DSG2: variants seen among roughly 807,000 people sequenced by gnomAD.
DSG2 encodes desmoglein 2.
DSG2 carries 45 observed loss-of-function variants against 75.6 expected under a neutral mutation model. The ratio of observed to expected loss-of-function variants is 0.60; its 90% CI spans 0.47 to 0.76. The LOEUF is 0.76. Among genes scored for constraint, DSG2 ranks in the 30% least tolerant of loss-of-function variants. DSG2 has a pLI of 0.00. For missense variants in DSG2, 1,267 were observed against 1,357.4 expected, an observed-to-expected ratio of 0.93 and a Z score of 1.05; for synonymous variants, 429 against 483.9, an observed-to-expected ratio of 0.89 and a Z score of 1.49.
chr18:31,518,373 G>A, intron 2 of DSG2, 99 bp downstream of exon 2: 1 of 1,026,854 alleles, frequency 9.7e-7, no homozygotes, highest in Non-Finnish European at 1.5e-6. Context: ...GACACATGTT[G>A]TATTAGACCC....
At chr18:31,517,841 G>A (rs564201248) in intron 1 of DSG2, among the ~76,000 whole-genome samples, 1 of 152,030 alleles carries the variant, frequency 6.6e-6, no homozygotes, top group Non-Finnish European at 1.5e-5. Flanking sequence ...ACATCCATAG[G>A]GATGGTGGGA....
chr18:31,517,155 T>C (rs1226054749), intron 1 of DSG2, among the ~76,000 whole-genome samples: 1 of 152,188 alleles, frequency 6.6e-6, no homozygotes, highest in Non-Finnish European at 1.5e-5. Flanking sequence ...GTTAACTGAA[T>C]AAGCCAGGCA....
At position 31,519,817 on chromosome 18, in the gene DSG2, A is replaced by C; in HGVS notation, c.96A>C (p.Arg32Ser). 1 of 1,614,216 alleles carries C rather than the reference A, an allele frequency of 6.2e-7. No homozygotes were observed. The highest frequency in any genetic ancestry group is 1.7e-5 in the Admixed American group (1 of 60,026). Residue 32 changes from arginine to serine, a missense_variant, in exon 3 of 15, where the codon AGA becomes AGC. Arg to Ser is a moderately radical substitution (Grantham distance 110, BLOSUM62 -1). Coordinates refer to ENST00000261590, the MANE Select transcript of DSG2 (RefSeq NM_001943.5). The stretch of plus-strand genomic sequence containing the variant: ...TATTGTTATAGGTCTTAAGCACAAG[A>C]AATGAAAATAAGCTGCTTCCTAAAC... ...SGLHLQVLST[R>S]NENKLLPKHP...
At chr18:31,534,896 A>G (rs2073219930) in intron 9 of DSG2, among the ~76,000 whole-genome samples, 1 of 152,208 alleles carries the variant, frequency 6.6e-6, no homozygotes, top group Non-Finnish European at 1.5e-5. Flanking sequence ...GCTCTTCTCC[A>G]CCAGTGCTTA....
At position 31,522,229 on chromosome 18, in the gene DSG2, A is replaced by C. The variant is rs1060502863; in HGVS notation, c.670A>C (p.Ser224Arg). ...AGATACAGGAGAGATTTATACAACCAGTGTTACCTTGGACAGAGAGGTAAG... is the reference window on the plus strand; with the variant it reads ...AGATACAGGAGAGATTTATACAACCCGTGTTACCTTGGACAGAGAGGTAAG... ...NKDTGEIYTT[S>R]VTLDREEHSS... Residue 224 changes from serine to arginine, a missense_variant, in exon 6 of 15, where the codon AGT (serine) becomes CGT (arginine). Ser to Arg is a moderately radical substitution (Grantham distance 110). Transcript: ENST00000261590. The C allele has an allele frequency of 1.2e-6, 2 of 1,613,736 alleles. No homozygotes were observed. Among genetic ancestry groups the C allele is most frequent in the Non-Finnish European group, 1.7e-6 (2 of 1,179,712 alleles).
chr18:31,512,825 T>A (rs2073074441), intron 1 of DSG2, among the ~76,000 whole-genome samples: 1 of 152,206 alleles, frequency 6.6e-6, no homozygotes, highest in South Asian at 2.1e-4. Context: ...TTTTTATTGC[T>A]CTTATCAAAA....
chr18:31,532,907 TTTTGTTTGTTTG>T lies in DSG2; in HGVS notation c.1280+1675_1280+1686del, dbSNP rs78547095. Among the ~76,000 whole-genome samples, 299 of 150,158 alleles carry T rather than the reference TTTTGTTTGTTTG, an allele frequency of 2.0e-3. 1 individual carries two copies. The highest frequency in any genetic ancestry group is 6.9e-3 in the African/African-American group (276 of 40,070). The stretch of plus-strand genomic sequence containing the variant: ...CCAAATTATTGACTTTTGGCTGCTG[TTTTGTTTGTTTG>T]TTTGTTTGTTTGTTTGTTTAGGGGC... On this transcript the variant is annotated intron_variant, in intron 9 of 14. Transcript: ENST00000261590.
chr18:31,518,377 T>C, intron 2 of DSG2, 103 bp downstream of exon 2: 3 of 1,002,586 alleles, frequency 3.0e-6, no homozygotes, highest in South Asian at 2.6e-5. Context: ...CATGTTGTAT[T>C]AGACCCAGCC....
intron 9 of DSG2, among the ~76,000 whole-genome samples, chr18:31,534,124 A>G (rs2073214418): frequency 6.6e-6 from 1 of 151,710 alleles, no homozygotes; most frequent in Non-Finnish European, 1.5e-5. Context: ...AATAGCTGGA[A>G]TTACAGGTGC....
At position 31,537,093 on chromosome 18, in the gene DSG2, CTA is replaced by C. The variant is rs149103782; in HGVS notation, c.1651+666_1651+667del. On this transcript the variant is annotated intron_variant, in intron 11 of 14. Coordinates refer to ENST00000261590, the MANE Select transcript of DSG2 (RefSeq NM_001943.5). The stretch of plus-strand genomic sequence containing the variant: ...AATGCAGAAAAGTCTATCCAGAAAA[CTA>C]TTTTGTTTTAAACAACTAGGGTTCA... 8.0e-3 allele frequency among the ~76,000 whole-genome samples: 1,216 copies of C among 152,130 alleles called. 20 individuals carry two copies. Among genetic ancestry groups the C allele is most frequent in the African/African-American group, 0.028 (1,155 of 41,506 alleles).
At chr18:31,523,355 C>G (rs934169638) in intron 6 of DSG2, among the ~76,000 whole-genome samples, 1 of 151,992 alleles carries the variant, frequency 6.6e-6, no homozygotes, top group Admixed American at 6.5e-5. Context: ...GAGCTGAGAT[C>G]GCGCCACTGC....
At chr18:31,533,178 C>G (rs1264430526) in intron 9 of DSG2, among the ~76,000 whole-genome samples, 1 of 152,128 alleles carries the variant, frequency 6.6e-6, no homozygotes, top group Admixed American at 6.5e-5. Context: ...TTTTGAAACA[C>G]TGATAAGGGG....
At chr18:31,514,071 T>C (rs142055821) in intron 1 of DSG2, among the ~76,000 whole-genome samples, 46 of 152,304 alleles carry the variant, frequency 3.0e-4, no homozygotes, top group African/African-American at 9.9e-4. Flanking sequence ...TGTGGAATCG[T>C]AGATTGGATC....
intron 1 of DSG2, among the ~76,000 whole-genome samples, chr18:31,503,669 G>A (rs1343547536): frequency 3.9e-5 from 6 of 152,108 alleles, no homozygotes; most frequent in African/African-American, 1.2e-4. Context: ...GTATAATTGC[G>A]CCCAGTTAAA....
At position 31,528,624 on chromosome 18, in the gene DSG2, T is replaced by G. The variant is rs1447773128; in HGVS notation, c.1015-2363T>G. On this transcript the variant is annotated intron_variant, in intron 8 of 14. Coordinates refer to ENST00000261590, the MANE Select transcript of DSG2 (RefSeq NM_001943.5). ...GCTTGGGAGGCTGAAGCAGGAGAAT[T>G]GCCTGAACCCGGGAGGCAGAGGTTG... Among the ~76,000 whole-genome samples, 11 of 150,292 alleles carry G rather than the reference T, an allele frequency of 7.3e-5. No individual in the cohort carries two copies. In the Admixed American group the frequency reaches 7.4e-4, roughly 10 times the overall value.
chr18:31,533,976 AC>A (rs1246267543), intron 9 of DSG2, among the ~76,000 whole-genome samples: 1 of 148,684 alleles, frequency 6.7e-6, no homozygotes, highest in Non-Finnish European at 1.5e-5. Flanking sequence ...CTAATTACAT[AC>A]ATTTCTTTTT....
rs1331421711 is a variant in DSG2 at position 31,541,260 on chromosome 18, C to T, written c.1947C>T (p.Gly649=). 2.5e-6 allele frequency: 4 copies of T among 1,614,038 alleles called. No homozygotes were observed. The highest frequency in any genetic ancestry group is 2.5e-6 in the Non-Finnish European group (3 of 1,180,016). Residue 649 remains glycine (G), a synonymous_variant, in exon 13 of 15, where the codon GGC becomes GGT. Transcript: ENST00000261590. ...CCAAAGGCTTTACCCCCATACCTGG[C>T]ACCATAGAGATGCTGCATCCTTGGA... The part of the protein sequence containing the change: ...KGAKGFTPIP[G]TIEMLHPWNN...
chr18:31,500,537 G>A (rs942776014), intron 1 of DSG2, among the ~76,000 whole-genome samples: 3 of 152,120 alleles, frequency 2.0e-5, no homozygotes, highest in Non-Finnish European at 2.9e-5. Context: ...AGCTCCATAC[G>A]TCCATATCTG....
intron 1 of DSG2, among the ~76,000 whole-genome samples, chr18:31,514,968 C>A (rs1332535846): frequency 6.6e-6 from 1 of 152,132 alleles, no homozygotes; most frequent in Non-Finnish European, 1.5e-5. Flanking sequence ...GTAAATTATA[C>A]CCTCTTGCTA....
Sources: allele counts gnomAD v4.1 joint callset (sites outside exome capture counted in the v4.1 genomes callset), GRCh38; gene constraint gnomAD v4.1.1; transcripts MANE v1.5; gene names NCBI Gene and HGNC (gene_info 2026-07-23, HGNC 2026-07-21).